FIG4: variants seen among roughly 807,000 people sequenced by gnomAD.
The protein encoded by FIG4 is polyphosphoinositide phosphatase.
FIG4 carries 112 observed loss-of-function variants against 118.6 expected under a neutral mutation model. That is an observed-to-expected ratio of 0.94 (90% confidence interval 0.81 to 1.11). The LOEUF is 1.11. FIG4 is among the 50% of genes least tolerant of loss of function. The pLI, the probability that FIG4 is intolerant of heterozygous loss-of-function variation, is 0.00. For synonymous variants in FIG4, 369 were observed against 381.2 expected, an observed-to-expected ratio of 0.97 and a Z score of 0.37; for missense variants, 969 against 1,111.7, an observed-to-expected ratio of 0.87 and a Z score of 1.83.
chr6:109,713,434 G>A (rs1775330912), intron 1 of FIG4, among the ~76,000 whole-genome samples: 1 of 152,146 alleles, frequency 6.6e-6, no homozygotes, highest in South Asian at 2.1e-4. Flanking sequence ...AGGCAGTGGT[G>A]GTCACTGAGG....
At chr6:109,780,366 C>T (rs140360275) in intron 16 of FIG4, among the ~76,000 whole-genome samples, 1 of 152,088 alleles carries the variant, frequency 6.6e-6, no homozygotes, top group African/African-American at 2.4e-5. Flanking sequence ...GTGGACACCA[C>T]CACACCCAGC....
intron 7 of FIG4, among the ~76,000 whole-genome samples, chr6:109,739,905 T>C (rs1776273271): frequency 6.6e-6 from 1 of 152,170 alleles, no homozygotes; most frequent in Admixed American, 6.5e-5. Context: ...GCAGCAGGGC[T>C]GCCTTCTGTG....
At chr6:109,710,441 T>C (rs1255411685) in intron 1 of FIG4, among the ~76,000 whole-genome samples, 2 of 152,182 alleles carry the variant, frequency 1.3e-5, no homozygotes, top group African/African-American at 2.4e-5. Context: ...TCTAACAGGT[T>C]TTGTTATCAG....
At chr6:109,803,499 A>G (rs1008267163) in intron 22 of FIG4, among the ~76,000 whole-genome samples, 2 of 152,226 alleles carry the variant, frequency 1.3e-5, no homozygotes, top group African/African-American at 2.4e-5. Context: ...TGAGTTTCAG[A>G]CAATAATGGG....
chr6:109,780,620 A>T (rs1032836609), intron 16 of FIG4, among the ~76,000 whole-genome samples: 34 of 152,344 alleles, frequency 2.2e-4, no homozygotes, highest in African/African-American at 7.9e-4. Flanking sequence ...TTATTAATGT[A>T]ATATTAATAA....
intron 1 of FIG4, among the ~76,000 whole-genome samples, chr6:109,706,214 G>A (rs1011379624): frequency 1.3e-5 from 2 of 152,222 alleles, no homozygotes; most frequent in African/African-American, 4.8e-5. Flanking sequence ...ACTACATTTA[G>A]GTAGAAACAA....
At chr6:109,788,717 A>T (rs1778056326) in intron 18 of FIG4, among the ~76,000 whole-genome samples, 1 of 152,250 alleles carries the variant, frequency 6.6e-6, no homozygotes, top group Non-Finnish European at 1.5e-5. Flanking sequence ...TACATCTTTG[A>T]AACATTTGCA....
chr6:109,743,565 CTA>C, intron 9 of FIG4, 108 bp from the exon 10 acceptor site: 1 of 808,188 alleles, frequency 1.2e-6, no homozygotes, highest in Non-Finnish European at 2.1e-6. Context: ...GGAAGTGAAA[CTA>C]TTGAAAGATT....
At chr6:109,734,606 G>C (rs1015306730) in intron 5 of FIG4, among the ~76,000 whole-genome samples, 2 of 151,690 alleles carry the variant, frequency 1.3e-5, no homozygotes, top group African/African-American at 4.8e-5. Context: ...GCACAGAGAC[G>C]GTTATATTTT....
intron 1 of FIG4, among the ~76,000 whole-genome samples, chr6:109,700,453 T>A (rs1774872312): frequency 6.6e-6 from 1 of 152,108 alleles, no homozygotes; most frequent in Non-Finnish European, 1.5e-5. Flanking sequence ...AACTTGCAAA[T>A]AATTAAAGCA....
Position 109,732,619 on chromosome 6 carries a change from TTG to T in FIG4, c.447-16_447-15del. 4.4e-6 allele frequency: 5 copies of T among 1,133,050 alleles called. No individual in the cohort carries two copies. Among genetic ancestry groups the T allele is most frequent in the Non-Finnish European group, 6.2e-6 (5 of 803,536 alleles). 70.2% of individuals were successfully genotyped at this position (1,133,050 alleles called of 1,614,324 possible). A position where few individuals can be genotyped will look rare whatever the true frequency, so the allele number is the denominator to read the frequency against. On this transcript the variant is annotated splice_polypyrimidine_tract_variant and intron_variant, in intron 4 of 22. Transcript: ENST00000230124. ...TAGTATTGGACAAATGAAATGTACT[TTG>T]TTTTTTTTTTTTTAGGTATCTACGA...
At chr6:109,691,566 G>T (rs1774413086) in intron 1 of FIG4, 65 bp downstream of exon 1, 9 of 1,355,744 alleles carry the variant, frequency 6.6e-6, no homozygotes, top group Non-Finnish European at 9.3e-6. Context: ...GTGTGGGGCC[G>T]TAGGACAGAG....
intron 12 of FIG4, among the ~76,000 whole-genome samples, chr6:109,763,034 G>C (rs1355065612): frequency 3.3e-5 from 5 of 152,216 alleles, no homozygotes; most frequent in Non-Finnish European, 7.3e-5. Flanking sequence ...AATTCCCCAA[G>C]AAACAGATTG....
chr6:109,694,641 T>G (rs1161101924), intron 1 of FIG4, among the ~76,000 whole-genome samples: 2 of 151,974 alleles, frequency 1.3e-5, no homozygotes, highest in African/African-American at 4.8e-5. Context: ...ATCAACAGAG[T>G]GAAGAGGCAA....
intron 22 of FIG4, among the ~76,000 whole-genome samples, chr6:109,822,951 TAC>T (rs1779054651): frequency 6.6e-6 from 1 of 151,668 alleles, no homozygotes; most frequent in South Asian, 2.1e-4. Flanking sequence ...CACACATGCA[TAC>T]ACATTATTTT....
chr6:109,708,456 C>A (rs570531249), intron 1 of FIG4, among the ~76,000 whole-genome samples: 13 of 152,258 alleles, frequency 8.5e-5, no homozygotes, highest in Non-Finnish European at 1.3e-4. Context: ...TATAATAGAA[C>A]AACTTCTCTT....
intron 8 of FIG4, among the ~76,000 whole-genome samples, chr6:109,742,839 G>A (rs549018919): frequency 1.3e-5 from 2 of 151,916 alleles, no homozygotes; most frequent in African/African-American, 4.8e-5. Flanking sequence ...ATTTAAACCA[G>A]CTGTTTCCTA....
At chr6:109,819,018 C>A (rs1778934925) in intron 22 of FIG4, among the ~76,000 whole-genome samples, 1 of 152,180 alleles carries the variant, frequency 6.6e-6, no homozygotes, top group Admixed American at 6.5e-5. Flanking sequence ...CGTGTATACT[C>A]TTCTTGCTGT....
intron 11 of FIG4, among the ~76,000 whole-genome samples, chr6:109,761,490 A>C (rs900169603): frequency 2.6e-5 from 4 of 152,128 alleles, no homozygotes; most frequent in Non-Finnish European, 5.9e-5. Context: ...GGTTCACGCC[A>C]TTCTCCTGCC....
Sources: gnomAD v4.1 joint callset for allele counts (sites outside exome capture counted in the v4.1 genomes callset) on GRCh38, gnomAD v4.1.1 for gene constraint, MANE v1.5 for transcripts, NCBI Gene and HGNC (gene_info 2026-07-23, HGNC 2026-07-21) for gene names.